CREB5: variants seen among roughly 807,000 people sequenced by gnomAD.
The protein encoded by CREB5 is cAMP responsive element binding protein 5.
A neutral mutation model predicts 57.1 loss-of-function variants in CREB5; 19 were observed. The ratio of observed to expected loss-of-function variants is 0.33; its 90% CI spans 0.23 to 0.49. CREB5 has a LOEUF of 0.49. Among genes scored for constraint, CREB5 ranks in the 20% least tolerant of loss-of-function variants. CREB5 has a pLI of 0.99. For synonymous variants in CREB5, 238 were observed against 238.3 expected (o/e 1.00, Z 0.01); for missense variants, 579 against 671.6 (o/e 0.86, Z 1.52).
intron 7 of CREB5, among the ~76,000 whole-genome samples, chr7:28,739,636 A>G (rs1468317840): frequency 1.3e-5 from 2 of 152,202 alleles, no homozygotes; most frequent in Non-Finnish European, 2.9e-5. Flanking sequence ...CCAGAAAAGC[A>G]TATTCGAGTT....
chr7:28,812,408 T>C (rs984138156), intron 9 of CREB5, among the ~76,000 whole-genome samples: 2 of 152,100 alleles, frequency 1.3e-5, no homozygotes, highest in African/African-American at 4.8e-5. Flanking sequence ...TTACAGAACA[T>C]ACAAGGTAAA....
chr7:28,391,044 A>G (rs953799981), intron 1 of CREB5, among the ~76,000 whole-genome samples: 2 of 152,172 alleles, frequency 1.3e-5, no homozygotes, highest in African/African-American at 4.8e-5. Flanking sequence ...TTTTGTAGAT[A>G]TTTTAAAATA....
chr7:28,473,899 TG>T (rs1399073134), intron 1 of CREB5, among the ~76,000 whole-genome samples: 3 of 152,072 alleles, frequency 2.0e-5, no homozygotes, highest in African/African-American at 7.2e-5. Flanking sequence ...TTCTAGCGAG[TG>T]TTTTAGGGTG....
At chr7:28,560,903 CGCGTGCGTGTGCGTGTGTGCGCGT>C (rs1795165466) in intron 4 of CREB5, among the ~76,000 whole-genome samples, 6 of 26,130 alleles carry the variant, frequency 2.3e-4, no homozygotes, top group Non-Finnish European at 4.0e-4. Context: ...TGTGCGTGCG[CGCGTGCGTGTGCGTGTGTGCGCGT>C]GCGTGTGTGC....
At chr7:28,719,730 T>C (rs1393315443) in intron 6 of CREB5, among the ~76,000 whole-genome samples, 1 of 152,090 alleles carries the variant, frequency 6.6e-6, no homozygotes, top group African/African-American at 2.4e-5. Flanking sequence ...GACTTCTGAG[T>C]CTCCACTCAT....
intron 7 of CREB5, among the ~76,000 whole-genome samples, chr7:28,733,022 G>A (rs1176760581): frequency 6.6e-6 from 1 of 152,088 alleles, no homozygotes; most frequent in Non-Finnish European, 1.5e-5. Flanking sequence ...TAGCTTCACA[G>A]GATACTTAGG....
intron 4 of CREB5, among the ~76,000 whole-genome samples, chr7:28,558,336 A>G (rs1794954278): frequency 6.6e-6 from 1 of 152,232 alleles, no homozygotes; most frequent in South Asian, 2.1e-4. Context: ...CTGAATTAAC[A>G]CTGATCATTA....
intron 1 of CREB5, among the ~76,000 whole-genome samples, chr7:28,367,176 G>A (rs1196139319): frequency 7.6e-6 from 1 of 132,390 alleles, no homozygotes; most frequent in East Asian, 2.1e-4. Flanking sequence ...TCATTCCTGG[G>A]TCCCCATCCA....
chr7:28,661,093 G>A lies in CREB5; in HGVS notation c.465-57660G>A, dbSNP rs957937609. On this transcript the variant is annotated intron_variant, in intron 5 of 10. Transcript: ENST00000357727. ...TGGGGTGGTGGGAATGGGGGTGAGG[G>A]GAGAAGTAGAAATGAAAACATGGCC... is the stretch of plus-strand genomic sequence containing the variant. Among the ~76,000 whole-genome samples the A allele has an allele frequency of 2.6e-5, 4 of 152,004 alleles. No homozygotes were observed. The East Asian group carries it at 7.7e-4, about 29-fold the overall frequency.
rs886371986 is a variant in CREB5, at chr7:28,820,903, C to T, written c.*1624C>T. The T allele has an allele frequency of 1.3e-5, 2 of 152,506 alleles. No individual in the cohort carries two copies. The highest frequency in any genetic ancestry group is 2.9e-5 in the Non-Finnish European group (2 of 68,048). 9.4% of individuals were successfully genotyped at this position (152,506 alleles called of 1,614,324 possible). ...GTGAGCCACTGCACCCAGCCTACTT[C>T]ACTCTTCTGAATTATTCTGATTTAT... On this transcript the variant is annotated 3_prime_UTR_variant, in exon 11 of 11. Coordinates refer to ENST00000357727, the MANE Select transcript of CREB5 (RefSeq NM_182898.4).
At chr7:28,729,941 A>C (rs1168170449) in intron 7 of CREB5, among the ~76,000 whole-genome samples, 1 of 152,224 alleles carries the variant, frequency 6.6e-6, no homozygotes, top group Non-Finnish European at 1.5e-5. Context: ...ACTGTCCACC[A>C]TGCAGATGAA....
intron 5 of CREB5, among the ~76,000 whole-genome samples, chr7:28,649,201 C>A (rs774871239): frequency 6.6e-6 from 1 of 152,210 alleles, no homozygotes; most frequent in Admixed American, 6.5e-5. Context: ...AGGAAGCCAC[C>A]AAAACGCCTT....
chr7:28,674,979 C>T (rs1020919930), intron 5 of CREB5, among the ~76,000 whole-genome samples: 1 of 152,154 alleles, frequency 6.6e-6, no homozygotes, highest in Non-Finnish European at 1.5e-5. Context: ...TCTTTCTTTT[C>T]CTGCATGAAA....
chr7:28,619,973 A>G (rs1233203610), intron 5 of CREB5, among the ~76,000 whole-genome samples: 1 of 152,230 alleles, frequency 6.6e-6, no homozygotes, highest in South Asian at 2.1e-4. Flanking sequence ...TTGAAATACT[A>G]TACATTACAT....
intron 3 of CREB5, among the ~76,000 whole-genome samples, chr7:28,500,521 C>G (rs2128602740): frequency 6.6e-6 from 1 of 152,322 alleles, no homozygotes; most frequent in South Asian, 2.1e-4. Context: ...TCCTTCAGAA[C>G]CCAACTGTGT....
chr7:28,669,843 T>C (rs1799960482), intron 5 of CREB5, among the ~76,000 whole-genome samples: 2 of 152,196 alleles, frequency 1.3e-5, no homozygotes. Context: ...TCCTGTGCCC[T>C]GCCATAAGGA....
At chr7:28,513,991 A>G (rs1328443068) in intron 4 of CREB5, among the ~76,000 whole-genome samples, 1 of 152,110 alleles carries the variant, frequency 6.6e-6, no homozygotes, top group Non-Finnish European at 1.5e-5. Flanking sequence ...CAAAGAGTGG[A>G]CACTTAATAT....
chr7:28,524,067 T>G (rs968702892), intron 4 of CREB5, among the ~76,000 whole-genome samples: 1 of 152,222 alleles, frequency 6.6e-6, no homozygotes, highest in African/African-American at 2.4e-5. Context: ...AGTGAATGAA[T>G]GTCCTCACTG....
chr7:28,749,721 GATTT>G (rs1051402183), intron 7 of CREB5, among the ~76,000 whole-genome samples: 1 of 152,182 alleles, frequency 6.6e-6, no homozygotes, highest in Non-Finnish European at 1.5e-5. Flanking sequence ...GGAGTCAGCT[GATTT>G]TTTTCAAGAC....
Sources: gnomAD v4.1 joint callset for allele counts (sites outside exome capture counted in the v4.1 genomes callset) on GRCh38, gnomAD v4.1.1 for gene constraint, MANE v1.5 for transcripts, NCBI Gene and HGNC (gene_info 2026-07-23, HGNC 2026-07-21) for gene names.